CSMD2: variants seen among roughly 807,000 people sequenced by gnomAD.
CSMD2 encodes the protein CUB and sushi domain-containing protein 2.
CSMD2 carries 130 observed loss-of-function variants against 398.5 expected under a neutral mutation model. The ratio of observed to expected loss-of-function variants is 0.33; its 90% CI spans 0.28 to 0.38. The LOEUF (loss-of-function observed/expected upper bound fraction) is 0.38. Ranked by LOEUF, CSMD2 falls within the 10% of genes least tolerant of loss-of-function variation. The probability of loss-of-function intolerance (pLI) is 1.00; values close to 1 mark genes in which losing one functional copy is unlikely to be tolerated. For missense variants in CSMD2, 3,829 were observed against 4,764.9 expected, an observed-to-expected ratio of 0.80 and a Z score of 5.78; for synonymous variants, 1,828 against 1,908.5, an observed-to-expected ratio of 0.96 and a Z score of 1.10.
chr1:33,938,906 C>T lies in CSMD2; in HGVS notation c.518-2952G>A, dbSNP rs541549876. On this transcript the variant is annotated intron_variant, in intron 3 of 70. Coordinates refer to ENST00000373381, the MANE Select transcript of CSMD2 (RefSeq NM_001281956.2). Reference sequence around the variant, plus strand: ...CATGTTGCTGGCTTACTTGGCATTTCCCATGATCCCTTGCTGCTGACTTAC... The same window carrying T: ...CATGTTGCTGGCTTACTTGGCATTTTCCATGATCCCTTGCTGCTGACTTAC... Among the ~76,000 whole-genome samples, 14 of 152,192 alleles carry T rather than the reference C, an allele frequency of 9.2e-5. No individual in the cohort carries two copies. In the South Asian group the frequency reaches 1.9e-3, roughly 20 times the overall value.
chr1:34,070,293 G>A (rs569822634), intron 2 of CSMD2, among the ~76,000 whole-genome samples: 44 of 152,268 alleles, frequency 2.9e-4, no homozygotes, highest in Admixed American at 1.6e-3. Flanking sequence ...GTAGAATCCC[G>A]TCTCTGGTAG....
rs967261720 is a variant in CSMD2, at chr1:34,161,986, C to A, written c.187+2925G>T. 6.6e-5 allele frequency among the ~76,000 whole-genome samples: 10 copies of A among 151,802 alleles called. 1 individual carries two copies. Among genetic ancestry groups the A allele is most frequent in the African/African-American group, 2.4e-4 (10 of 41,256 alleles). On this transcript the variant is annotated intron_variant, in intron 1 of 70. Transcript: ENST00000373381. Reference sequence around the variant, plus strand: ...AGGAGTTCGAGACCAGCCTGACCAACATGGAGAAACCCCCCTTCTCTATTA... The same window carrying A: ...AGGAGTTCGAGACCAGCCTGACCAAAATGGAGAAACCCCCCTTCTCTATTA...
At chr1:33,864,455 G>C (rs1639807057) in intron 5 of CSMD2, 6 of 1,613,662 alleles carry the variant, frequency 3.7e-6, no homozygotes, top group Non-Finnish European at 5.1e-6. Context: ...GGAGAAAGCG[G>C]GATCCCCAGG....
chr1:34,019,692 C>T (rs1365790193), intron 3 of CSMD2, among the ~76,000 whole-genome samples: 1 of 152,134 alleles, frequency 6.6e-6, no homozygotes, highest in African/African-American at 2.4e-5. Flanking sequence ...GCATAAATCT[C>T]ACGGAGCCAC....
At chr1:34,144,343 C>G (rs1639575713) in intron 1 of CSMD2, among the ~76,000 whole-genome samples, 1 of 152,192 alleles carries the variant, frequency 6.6e-6, no homozygotes, top group African/African-American at 2.4e-5. Flanking sequence ...TCCAGAGGAC[C>G]AAGTACCAGT....
chr1:33,541,766 C>T (rs1656367252), intron 58 of CSMD2, among the ~76,000 whole-genome samples: 1 of 152,214 alleles, frequency 6.6e-6, no homozygotes, highest in Non-Finnish European at 1.5e-5. Context: ...AGGAAGTATC[C>T]AGAGGGCTCA....
intron 44 of CSMD2, among the ~76,000 whole-genome samples, chr1:33,588,149 C>T (rs1379074555): frequency 6.6e-6 from 1 of 152,104 alleles, no homozygotes; most frequent in African/African-American, 2.4e-5. Flanking sequence ...ATACAACTTG[C>T]ATTATATGTT....
At chr1:34,058,729 T>C (rs924328392) in intron 2 of CSMD2, among the ~76,000 whole-genome samples, 1 of 152,166 alleles carries the variant, frequency 6.6e-6, no homozygotes, top group Non-Finnish European at 1.5e-5. Context: ...CACCTGGCCT[T>C]CAGCACTGTT....
intron 3 of CSMD2, among the ~76,000 whole-genome samples, chr1:33,958,278 T>C (rs1008980702): frequency 6.6e-6 from 1 of 152,174 alleles, no homozygotes; most frequent in African/African-American, 2.4e-5. Context: ...ACCTATCACA[T>C]AGCATTGTTC....
chr1:34,165,711 C>T, upstream of CSMD2: 1 of 1,607,742 alleles, frequency 6.2e-7, no homozygotes, highest in South Asian at 1.1e-5. Flanking sequence ...AAAAGGTAAC[C>T]AAAGAAGGAC....
chr1:33,778,155 T>G (rs187544886), intron 12 of CSMD2, among the ~76,000 whole-genome samples: 1 of 152,318 alleles, frequency 6.6e-6, no homozygotes, highest in Admixed American at 6.5e-5. Context: ...ACCTTAGATC[T>G]TAGACATTTC....
intron 15 of CSMD2, among the ~76,000 whole-genome samples, chr1:33,734,438 C>A: frequency 6.6e-6 from 1 of 152,088 alleles, no homozygotes; most frequent in Non-Finnish European, 1.5e-5. Context: ...CTCACTGCAG[C>A]CTCTAATTCC....
At chr1:33,724,118 T>C (rs977653545) in intron 19 of CSMD2, 79 bp downstream of exon 19, 6 of 936,720 alleles carry the variant, frequency 6.4e-6, no homozygotes, top group African/African-American at 4.9e-5. Flanking sequence ...GAGATCCCCA[T>C]TGAGGTCAAC....
chr1:33,580,566 A>G (rs1017085151), intron 48 of CSMD2, among the ~76,000 whole-genome samples, 187 bp downstream of exon 48: 1 of 152,212 alleles, frequency 6.6e-6, no homozygotes, highest in African/African-American at 2.4e-5. Context: ...GGCTGGCAGT[A>G]TGAGAAAAGA....
chr1:33,591,283 C>T (rs561270241), intron 44 of CSMD2, among the ~76,000 whole-genome samples: 45 of 152,236 alleles, frequency 3.0e-4, no homozygotes, highest in Admixed American at 4.6e-4. Context: ...CCACCATGCT[C>T]GGCCTCATTT....
At chr1:33,630,680 C>T (rs1345274896) in intron 32 of CSMD2, among the ~76,000 whole-genome samples, 1 of 151,886 alleles carries the variant, frequency 6.6e-6, no homozygotes, top group Non-Finnish European at 1.5e-5. Flanking sequence ...TCAATTAATC[C>T]CCAAAGAAGA....
intron 1 of CSMD2, among the ~76,000 whole-genome samples, chr1:34,149,444 G>A (rs1640085172): frequency 6.6e-6 from 1 of 152,102 alleles, no homozygotes; most frequent in Admixed American, 6.5e-5. Flanking sequence ...CGAAGAAAAC[G>A]GCATTTCAGT....
At position 33,530,166 on chromosome 1, in the gene CSMD2, G is replaced by A. The variant is rs371249101; in HGVS notation, c.10171+2884C>T. On this transcript the variant is annotated intron_variant, in intron 64 of 70. Coordinates refer to ENST00000373381, the MANE Select transcript of CSMD2 (RefSeq NM_001281956.2). ...AGTGAAGAGGCAACCTGTGGAATGG[G>A]AGAAATTGTTTGCAAACCACACATC... 7.2e-5 allele frequency among the ~76,000 whole-genome samples: 11 copies of A among 152,176 alleles called. No homozygotes were observed. In the South Asian group the frequency reaches 2.3e-3, roughly 32 times the overall value.
intron 19 of CSMD2, among the ~76,000 whole-genome samples, chr1:33,723,447 A>G (rs1210844642): frequency 1.3e-5 from 2 of 152,260 alleles, no homozygotes; most frequent in African/African-American, 2.4e-5. Flanking sequence ...CTGCCTGGTT[A>G]CTGCTGATGC....
Sources: gnomAD v4.1 joint callset for allele counts (sites outside exome capture counted in the v4.1 genomes callset) on GRCh38, gnomAD v4.1.1 for gene constraint, MANE v1.5 for transcripts, NCBI Gene and HGNC (gene_info 2026-07-23, HGNC 2026-07-21) for gene names.